MMP24: variants seen among roughly 807,000 people sequenced by gnomAD.
MMP24 encodes the protein matrix metalloproteinase-24.
Under a neutral mutation model 62.8 loss-of-function variants are expected in MMP24, and 25 were observed. That is an observed-to-expected ratio of 0.40 (90% CI 0.29 to 0.56). MMP24 has a LOEUF of 0.56. MMP24 is among the 20% of genes least tolerant of loss of function. The probability of loss-of-function intolerance (pLI) is 0.50; values close to 1 mark genes in which losing one functional copy is unlikely to be tolerated. For missense variants in MMP24, 634 were observed against 853.6 expected (o/e 0.74, Z 3.21); for synonymous variants, 319 against 350.5 (o/e 0.91, Z 1.00).
chr20:35,274,385 A>G lies in MMP24; in HGVS notation c.1714A>G (p.Lys572Glu), dbSNP rs1291766091. 1.1e-5 allele frequency: 17 copies of G among 1,613,934 alleles called. No homozygotes were observed. Among genetic ancestry groups the G allele is most frequent in the East Asian group, 2.2e-5 (1 of 44,874 alleles). ...GCGTGACTGGATGGGCTGCAACCAG[A>G]AGGAGGTGGAGCGGCGGAAGGAGCG... ...ILRDWMGCNQ[K>E]EVERRKERRL... The change falls in exon 9 of 9, where the codon AAG becomes GAG. Residue 572 changes from lysine (K) to glutamate (E), a missense_variant. This residue lies in a region of MMP24 where 399 missense variants were observed against 530.8 expected (regional missense o/e 0.75). Coordinates refer to ENST00000246186, the MANE Select transcript of MMP24 (RefSeq NM_006690.4). This position sits in a 1 kb window ranked among gnomAD's most constrained non-coding sequence, Gnocchi z 5.1.
chr20:35,248,713 T>C (rs1419674273), intron 2 of MMP24, among the ~76,000 whole-genome samples: 1 of 152,200 alleles, frequency 6.6e-6, no homozygotes. Flanking sequence ...GATTCTCTGA[T>C]TATGAGTGTG....
chr20:35,243,688 G>A lies in MMP24; in HGVS notation c.247-3152G>A, dbSNP rs188819054. Reference sequence around the variant, plus strand: ...GCCCAATCTTATAATATCTATAATAGGGGATTTGGGGAGCACAGAAGAGGA... The same window carrying A: ...GCCCAATCTTATAATATCTATAATAAGGGATTTGGGGAGCACAGAAGAGGA... On this transcript the variant is annotated intron_variant, in intron 1 of 8. Coordinates refer to ENST00000246186, the MANE Select transcript of MMP24 (RefSeq NM_006690.4). Among the ~76,000 whole-genome samples, 368 of 152,238 alleles carry A rather than the reference G, an allele frequency of 2.4e-3. 3 individuals carry two copies. Among genetic ancestry groups the A allele is most frequent in the South Asian group, 7.9e-3 (38 of 4,816 alleles).
intron 1 of MMP24, among the ~76,000 whole-genome samples, chr20:35,236,929 G>A (rs926205801): frequency 3.5e-5 from 5 of 143,352 alleles, no homozygotes; most frequent in Admixed American, 3.0e-4. Context: ...AGCCAAGATC[G>A]CACCACTGCA....
chr20:35,274,251 T>C lies in MMP24; in HGVS notation c.1601-21T>C, dbSNP rs1391131111. 3 of 1,583,302 alleles carry C rather than the reference T, an allele frequency of 1.9e-6. No individual in the cohort carries two copies. The highest frequency in any genetic ancestry group is 1.7e-5 in the Admixed American group (1 of 59,216). On this transcript the variant is annotated intron_variant, in intron 8 of 8. Coordinates refer to ENST00000246186, the MANE Select transcript of MMP24 (RefSeq NM_006690.4). The surrounding 1 kb of genome is among the most constrained non-coding windows in gnomAD (Gnocchi z 5.1). ...TGCCGGAAGTGTCTGGGAGTGGTGATGCTGGGCTGTATTTCTGCAGATTAC... is the reference window on the plus strand; with the variant it reads ...TGCCGGAAGTGTCTGGGAGTGGTGACGCTGGGCTGTATTTCTGCAGATTAC...
intron 4 of MMP24, chr20:35,263,497 T>G: frequency 4.4e-6 from 1 of 226,816 alleles, no homozygotes; most frequent in Non-Finnish European, 8.6e-6. Flanking sequence ...TCCCTGAACA[T>G]CTTCCTCCAG....
chr20:35,253,692 C>T lies in MMP24; in HGVS notation c.513-758C>T, dbSNP rs145964275. On this transcript the variant is annotated intron_variant, in intron 3 of 8. Coordinates refer to ENST00000246186, the MANE Select transcript of MMP24 (RefSeq NM_006690.4). ...ACCTATAATGGATTAAATCAGATAC[C>T]GGCCAGCTTCTAGGCAGACAAGCCA... Among the ~76,000 whole-genome samples, 901 of 152,214 alleles carry T rather than the reference C, an allele frequency of 5.9e-3. 11 individuals are homozygous for T. Among genetic ancestry groups the T allele is most frequent in the African/African-American group, 0.02 (847 of 41,514 alleles).
At chr20:35,228,620 A>C (rs1414363787) in intron 1 of MMP24, among the ~76,000 whole-genome samples, 2 of 152,208 alleles carry the variant, frequency 1.3e-5, no homozygotes, top group Non-Finnish European at 2.9e-5. Context: ...CATGTCTAAC[A>C]TAAAGAGATA....
In MMP24 at chr20:35,233,202, T is replaced by A. The variant is rs564527580; in HGVS notation, c.246+6218T>A. The stretch of plus-strand genomic sequence containing the variant: ...TATAAAGATCATTTGAGGCCAGGAG[T>A]TCGAGACCAGCCTGGCCAACATGGT... On this transcript the variant is annotated intron_variant, in intron 1 of 8. Transcript: ENST00000246186. Among the ~76,000 whole-genome samples, 3 of 152,206 alleles carry A rather than the reference T, an allele frequency of 2.0e-5. No homozygotes were observed. The South Asian group carries it at 6.2e-4, about 32-fold the overall frequency.
At position 35,267,160 on chromosome 20, in the gene MMP24, C is replaced by G. The variant is rs141031614; in HGVS notation, c.980-45C>G. Reference sequence around the variant, plus strand: ...TGATGCTGAGACTGGCAATGGGAGGCGGGAAACGGCTGCCCCCTCTCTAAG... The same window carrying G: ...TGATGCTGAGACTGGCAATGGGAGGGGGGAAACGGCTGCCCCCTCTCTAAG... On this transcript the variant is annotated intron_variant, in intron 5 of 8. Coordinates refer to ENST00000246186, the MANE Select transcript of MMP24 (RefSeq NM_006690.4). 31 of 1,471,664 alleles carry G rather than the reference C, an allele frequency of 2.1e-5. No homozygotes were observed. The East Asian group carries it at 7.4e-4, about 35-fold the overall frequency. 91.2% of individuals were successfully genotyped at this position (1,471,664 alleles called of 1,614,324 possible). A position where few individuals can be genotyped will look rare whatever the true frequency, so the allele number is the denominator to read the frequency against.
chr20:35,264,162 T>G, intron 5 of MMP24: 1 of 469,662 alleles, frequency 2.1e-6, no homozygotes, highest in Non-Finnish European at 3.6e-6. Context: ...TAGGGGAGGG[T>G]CTGAGCTGTA....
Position 35,269,768 on chromosome 20 carries a change from G to C in MMP24, c.1203G>C (p.Trp401Cys). The C allele has an allele frequency of 6.4e-7, 1 of 1,571,522 alleles. No individual in the cohort carries two copies. The highest frequency in any genetic ancestry group is 8.6e-7 in the Non-Finnish European group (1 of 1,158,626). ...CTCCCGCTTCCTCCCAGGATCGCTG[G>C]TTCTGGCGTCTGCGCAATAACCGAG... ...RGEMFVFKDR[W>C]FWRLRNNRVQ... The change falls in exon 7 of 9, where the codon TGG becomes TGC. Residue 401 changes from tryptophan (W) to cysteine (C), a missense_variant. Physicochemically the swap from Trp to Cys is radical, Grantham distance 215. Around this residue, in one of 3 missense-constraint regions of MMP24, gnomAD observed 399 missense variants for 530.8 expected, o/e 0.75. Transcript: ENST00000246186. This position sits in a 1 kb window ranked among gnomAD's most constrained non-coding sequence, Gnocchi z 4.6.
At chr20:35,241,885 A>G (rs1212422733) in intron 1 of MMP24, among the ~76,000 whole-genome samples, 1 of 152,218 alleles carries the variant, frequency 6.6e-6, no homozygotes, top group African/African-American at 2.4e-5. Flanking sequence ...GTGAGTAGTT[A>G]TCTGTTCAGA....
Position 35,276,530 on chromosome 20 carries a change from C to T in MMP24, c.*1921C>T. The T allele has an allele frequency of 2.6e-6, 1 of 381,994 alleles. No homozygotes were observed. The highest frequency in any genetic ancestry group is 2.1e-5 in the African/African-American group (1 of 48,440). The allele number at this position is 381,994 out of a possible 1,614,324, so 23.7% of individuals were successfully genotyped here. A position where few individuals can be genotyped will look rare whatever the true frequency, so the allele number is the denominator to read the frequency against. ...GGTCTTGTGTCCCCATCTGTGGACCCCTCTAGGGTCTGAGATGAGATGAGA... is the reference window on the plus strand; with the variant it reads ...GGTCTTGTGTCCCCATCTGTGGACCTCTCTAGGGTCTGAGATGAGATGAGA... On this transcript the variant is annotated 3_prime_UTR_variant, in exon 9 of 9. Coordinates refer to ENST00000246186, the MANE Select transcript of MMP24 (RefSeq NM_006690.4).
intron 1 of MMP24, among the ~76,000 whole-genome samples, chr20:35,242,788 G>C (rs957027590): frequency 2.0e-5 from 3 of 152,210 alleles, no homozygotes; most frequent in Non-Finnish European, 4.4e-5. Context: ...AAGAAGACTT[G>C]ACCGCAAAAG....
rs562480249 is a variant in MMP24 at position 35,271,180 on chromosome 20, G to A, written c.1334-389G>A. On this transcript the variant is annotated intron_variant, in intron 7 of 8. Transcript: ENST00000246186. The surrounding 1 kb of genome is among the most constrained non-coding windows in gnomAD (Gnocchi z 4.0). Reference sequence around the variant, plus strand: ...TGTGGTGCAGATGAGGAGCTCTGGGGAGCCAGCCAATGCAGAGCTGCCGGT... The same window carrying A: ...TGTGGTGCAGATGAGGAGCTCTGGGAAGCCAGCCAATGCAGAGCTGCCGGT... 1.3e-5 allele frequency among the ~76,000 whole-genome samples: 2 copies of A among 152,324 alleles called. No individual in the cohort carries two copies. Among genetic ancestry groups the A allele is most frequent in the South Asian group, 4.1e-4 (2 of 4,822 alleles).
rs781227337 is a variant in MMP24 at position 35,263,954 on chromosome 20, T to G, written c.979+2T>G. On this transcript the variant is annotated splice_donor_variant, in intron 5 of 8. Transcript: ENST00000246186. LOFTEE classifies it high-confidence loss of function. ...TCCAGGGCATCCAGAAGATCTATGG[T>G]GTGTGGCAGGGAGAGGGGGGACTGC... The G allele has an allele frequency of 6.3e-7, 1 of 1,598,462 alleles. No individual in the cohort carries two copies. The highest frequency in any genetic ancestry group is 8.5e-7 in the Non-Finnish European group (1 of 1,171,132).
chr20:35,244,594 C>A (rs549290645), intron 1 of MMP24, among the ~76,000 whole-genome samples: 18 of 152,046 alleles, frequency 1.2e-4, no homozygotes, highest in Non-Finnish European at 1.8e-4. Flanking sequence ...GCACCCGTCA[C>A]CATGCCCGGC....
At chr20:35,272,347 T>C (rs145104067) in intron 8 of MMP24, among the ~76,000 whole-genome samples, 1,537 of 152,348 alleles carry the variant, frequency 0.01, 15 homozygotes, top group African/African-American at 0.035. Flanking sequence ...ATGATCCTCC[T>C]GCCTCATCAG....
At chr20:35,270,709 G>C (rs1338244015) in intron 7 of MMP24, among the ~76,000 whole-genome samples, 1 of 152,218 alleles carries the variant, frequency 6.6e-6, no homozygotes, top group African/African-American at 2.4e-5. Flanking sequence ...TGAAGGGCAG[G>C]GGACAGCTGC....
Sources: allele counts gnomAD v4.1 joint callset (sites outside exome capture counted in the v4.1 genomes callset), GRCh38; gene constraint gnomAD v4.1.1; regional missense constraint gnomAD v4.1.1; non-coding constraint Gnocchi (gnomAD v3.1); transcripts MANE v1.5; gene names NCBI Gene and HGNC (gene_info 2026-07-23, HGNC 2026-07-21).